Variants in MYL10 observed in about 807,000 individuals in gnomAD.
MYL10 encodes myosin light chain 10.
A neutral mutation model predicts 21.9 loss-of-function variants in MYL10; 18 were observed. That is an observed-to-expected ratio of 0.82 (90% CI 0.57 to 1.22). The LOEUF (loss-of-function observed/expected upper bound fraction) is 1.22. Among genes scored for constraint, MYL10 ranks in the 50% most tolerant of loss-of-function variants. MYL10 has a pLI of 0.00. For synonymous variants in MYL10, 88 were observed against 82.8 expected, an observed-to-expected ratio of 1.06 and a Z score of -0.34; for missense variants, 225 against 230.4, an observed-to-expected ratio of 0.98 and a Z score of 0.15.
At chr7:101,613,913 C>G (rs1423553540) in intron 6 of MYL10, among the ~76,000 whole-genome samples, 1 of 152,096 alleles carries the variant, frequency 6.6e-6, no homozygotes, top group African/African-American at 2.4e-5. Context: ...GTGGGCTTTC[C>G]TCCCAGCATC....
chr7:101,613,746 C>T (rs763654586), intron 6 of MYL10, 36 bp from the exon 7 acceptor site: 22 of 1,607,686 alleles, frequency 1.4e-5, no homozygotes, highest in Middle Eastern at 1.6e-4. Context: ...GTTCAGGGAA[C>T]GGGATACCCA....
Position 101,614,968 on chromosome 7 carries a change from C to T in MYL10, c.533+1252G>A, listed in dbSNP as rs572972394. Among the ~76,000 whole-genome samples the T allele has an allele frequency of 1.1e-4, 17 of 152,270 alleles. No individual in the cohort carries two copies. In the East Asian group the frequency reaches 2.7e-3, roughly 24 times the overall value. On this transcript the variant is annotated intron_variant, in intron 6 of 7. Transcript: ENST00000223167. ...CAGCAAGGTTCTGAAGGGACTGCGTCGGCACAGCTCAGAGGTCAGCCCTGA... is the reference window on the plus strand; with the variant it reads ...CAGCAAGGTTCTGAAGGGACTGCGTTGGCACAGCTCAGAGGTCAGCCCTGA...
chr7:101,627,137 C>CAAAA lies in MYL10; in HGVS notation c.78+1900_78+1903dup, dbSNP rs757508495. Among the ~76,000 whole-genome samples, 232 of 134,000 alleles carry CAAAA rather than the reference C, an allele frequency of 1.7e-3. 1 individual carries two copies. Among genetic ancestry groups the CAAAA allele is most frequent in the African/African-American group, 6.2e-3 (226 of 36,536 alleles). 87.9% of individuals were successfully genotyped at this position (134,000 alleles called of 152,430 possible). On this transcript the variant is annotated intron_variant, in intron 1 of 7. Coordinates refer to ENST00000223167, the MANE Select transcript of MYL10 (RefSeq NM_138403.5). ...TGAAACCCCGTCTCTACCAAAAATA[C>CAAAA]AAAAAAAAAAAAATAGCCATGTGTG... is the stretch of plus-strand genomic sequence containing the variant.
chr7:101,624,181 C>G lies in MYL10; in HGVS notation c.162G>C (p.Glu54Asp). The part of the protein sequence containing the change: ...FSMFDQSQIQ[E>D]FKESLALSPR... ...GGGGCAGCAGACCAACCTCTTTAAA[C>G]TCCTGGATCTGGGACTGATCAAACA... Residue 54 changes from glutamate to aspartate, a missense_variant, in exon 2 of 8, where the codon GAG becomes GAC. Coordinates refer to ENST00000223167, the MANE Select transcript of MYL10 (RefSeq NM_138403.5). 1 of 1,611,148 alleles carries G rather than the reference C, an allele frequency of 6.2e-7. No individual in the cohort carries two copies. The highest frequency in any genetic ancestry group is 8.5e-7 in the Non-Finnish European group (1 of 1,178,050).
At chr7:101,626,285 G>T (rs1005397945) in intron 1 of MYL10, among the ~76,000 whole-genome samples, 1 of 152,178 alleles carries the variant, frequency 6.6e-6, no homozygotes, top group African/African-American at 2.4e-5. Flanking sequence ...CTCCAGGCAG[G>T]TCCGTCCTGG....
At chr7:101,615,911 G>A (rs981596766) in intron 6 of MYL10, among the ~76,000 whole-genome samples, 1 of 151,670 alleles carries the variant, frequency 6.6e-6, no homozygotes, top group African/African-American at 2.4e-5. Flanking sequence ...GTTGGCCAGG[G>A]TGGTCTCAAA....
At chr7:101,622,001 C>T (rs527326055) in intron 5 of MYL10, 95 bp downstream of exon 5, 388 of 947,026 alleles carry the variant, frequency 4.1e-4, no homozygotes, top group South Asian at 8.2e-4. Context: ...CATGCTCCCA[C>T]CTGTGGTGTG....
chr7:101,620,375 A>G (rs1284659087), intron 5 of MYL10, among the ~76,000 whole-genome samples: 1 of 152,128 alleles, frequency 6.6e-6, no homozygotes, highest in African/African-American at 2.4e-5. Context: ...GTTAAATAGA[A>G]GAGGGCGGGG....
Position 101,613,382 on chromosome 7 carries a change from G to A in MYL10, c.*93C>T. ...TGTCCCCAACCGTAGGACAAGGGAA[G>A]CCTTTTTCCTGCAGCCTCTGGCTGC... On this transcript the variant is annotated 3_prime_UTR_variant, in exon 8 of 8. Coordinates refer to ENST00000223167, the MANE Select transcript of MYL10 (RefSeq NM_138403.5). The A allele has an allele frequency of 9.8e-7, 1 of 1,024,170 alleles. No individual in the cohort carries two copies. The allele number at this position is 1,024,170 out of a possible 1,614,324, so 63.4% of individuals were successfully genotyped here.
Position 101,624,216 on chromosome 7 carries a change from C to G in MYL10, c.127G>C (p.Val43Leu), listed in dbSNP as rs747503798. The G allele has an allele frequency of 2.2e-5, 36 of 1,613,728 alleles. No individual in the cohort carries two copies. The highest frequency in any genetic ancestry group is 3.0e-5 in the Non-Finnish European group (35 of 1,179,928). ...TGGGACTGATCAAACATGGAGAAGA[C>G]GTTGGAGCTGGCGGTGCCTTCTGCT... is the stretch of plus-strand genomic sequence containing the variant. ...KRAEGTASSN[V>L]FSMFDQSQIQ... is the part of the protein sequence containing the mutation. The change falls in exon 2 of 8, where the codon GTC (valine) becomes CTC (leucine). Residue 43 changes from valine to leucine, a missense_variant. Val to Leu is a conservative substitution (Grantham distance 32). Coordinates refer to ENST00000223167, the MANE Select transcript of MYL10 (RefSeq NM_138403.5).
At chr7:101,617,148 A>G (rs1326429924) in intron 5 of MYL10, among the ~76,000 whole-genome samples, 1 of 152,162 alleles carries the variant, frequency 6.6e-6, no homozygotes, top group African/African-American at 2.4e-5. Flanking sequence ...CCCCTTGTTC[A>G]CTGTGGATGC....
chr7:101,624,560 C>T (rs759011816), intron 1 of MYL10, among the ~76,000 whole-genome samples: 1 of 152,298 alleles, frequency 6.6e-6, no homozygotes, highest in South Asian at 2.1e-4. Flanking sequence ...AGAACAGAGG[C>T]GGGCATCTCT....
chr7:101,613,367 C>T lies in MYL10; in HGVS notation c.*108G>A, dbSNP rs932892758. On this transcript the variant is annotated 3_prime_UTR_variant, in exon 8 of 8. Transcript: ENST00000223167. ...TATTTATTCTTGCTTTGTCCCCAACCGTAGGACAAGGGAAGCCTTTTTCCT... is the reference window on the plus strand; with the variant it reads ...TATTTATTCTTGCTTTGTCCCCAACTGTAGGACAAGGGAAGCCTTTTTCCT... 32 of 856,584 alleles carry T rather than the reference C, an allele frequency of 3.7e-5. No individual in the cohort carries two copies. The highest frequency in any genetic ancestry group is 8.5e-5 in the African/African-American group (5 of 58,878). The allele number at this position is 856,584 out of a possible 1,614,324, so 53.1% of individuals were successfully genotyped here. A position where few individuals can be genotyped will look rare whatever the true frequency, so the allele number is the denominator to read the frequency against.
rs760458393 is a variant in MYL10 at position 101,624,237 on chromosome 7, C to T, written c.106G>A (p.Glu36Lys). Residue 36 changes from glutamate to lysine, a missense_variant, in exon 2 of 8, where the codon GAA (glutamate) becomes AAA (lysine). Physicochemically the swap from Glu to Lys is moderately conservative, Grantham distance 56 (BLOSUM62 1). Transcript: ENST00000223167. ...QAPRRARKRA[E>K]GTASSNVFSM... ...AAGACGTTGGAGCTGGCGGTGCCTT[C>T]TGCTCTTTTCCGAGCTCTTCTCGGT... is the stretch of plus-strand genomic sequence containing the variant. 1.2e-6 allele frequency: 2 copies of T among 1,613,862 alleles called. No homozygotes were observed. The highest frequency in any genetic ancestry group is 2.2e-5 in the South Asian group (2 of 91,056).
At chr7:101,614,222 G>T (rs901471262) in intron 6 of MYL10, among the ~76,000 whole-genome samples, 1 of 152,196 alleles carries the variant, frequency 6.6e-6, no homozygotes, top group East Asian at 1.9e-4. Context: ...GGAGGGTCCT[G>T]CAGGGTTCTT....
At chr7:101,625,403 A>G (rs1796731684) in intron 1 of MYL10, among the ~76,000 whole-genome samples, 1 of 152,100 alleles carries the variant, frequency 6.6e-6, no homozygotes, top group South Asian at 2.1e-4. Flanking sequence ...GGTGGACGGG[A>G]TGGCACAGAA....
chr7:101,622,141 T>C lies in MYL10; in HGVS notation c.409A>G (p.Ile137Val). Residue 137 changes from isoleucine (I) to valine (V), a missense_variant, in exon 5 of 8, where the codon ATC becomes GTC. Physicochemically the swap from Ile to Val is conservative, Grantham distance 29. Transcript: ENST00000223167. ...EAMVKEAPGPINFTVFLTMFG... is the reference protein window; with the variant it reads ...EAMVKEAPGPVNFTVFLTMFG... Reference sequence around the variant, plus strand: ...ATGGTCAGGAACACCGTGAAGTTGATGGGTCCGGGGGCCTCCTTCACCATG... The same window carrying C: ...ATGGTCAGGAACACCGTGAAGTTGACGGGTCCGGGGGCCTCCTTCACCATG... The C allele has an allele frequency of 1.2e-6, 2 of 1,613,848 alleles. No individual in the cohort carries two copies. The highest frequency in any genetic ancestry group is 8.5e-7 in the Non-Finnish European group (1 of 1,179,834).
intron 5 of MYL10, among the ~76,000 whole-genome samples, chr7:101,619,671 C>T (rs942840584): frequency 3.3e-5 from 5 of 151,962 alleles, no homozygotes; most frequent in South Asian, 2.1e-4. Context: ...AGGCGGATCA[C>T]GAGGTCAGGA....
intron 1 of MYL10, among the ~76,000 whole-genome samples, chr7:101,626,381 G>A (rs1417725067): frequency 6.6e-6 from 1 of 152,180 alleles, no homozygotes; most frequent in African/African-American, 2.4e-5. Flanking sequence ...AGGCTGACTC[G>A]GAGGAGGGAC....
Sources: allele counts gnomAD v4.1 joint callset (sites outside exome capture counted in the v4.1 genomes callset), GRCh38; gene constraint gnomAD v4.1.1; transcripts MANE v1.5; gene names NCBI Gene and HGNC (gene_info 2026-07-23, HGNC 2026-07-21).